The following PPL variants were observed in gnomAD, a reference collection of about 807,000 sequenced individuals.
The protein encoded by PPL is 190 kDa paraneoplastic pemphigus antigen.
Under a neutral mutation model 194.4 loss-of-function variants are expected in PPL, and 198 were observed. The observed-to-expected ratio is 1.02, with a 90% CI of 0.91 to 1.15. The LOEUF (loss-of-function observed/expected upper bound fraction) is 1.15. Ranked by LOEUF, PPL falls within the 50% of genes most tolerant of loss-of-function variation. PPL has a pLI of 0.00. For synonymous variants in PPL, 1,220 were observed against 972.4 expected (o/e 1.25, Z -4.74); for missense variants, 2,885 against 2,294.8 (o/e 1.26, Z -5.25).
Position 4,937,127 on chromosome 16 carries a change from G to T in PPL, c.-82C>A, listed in dbSNP as rs2089311030. Reference sequence around the variant, plus strand: ...CGGGCGGGAGCGCAGGTGAGCGAGCGGCGGCGCGGGGAGCCCGGACTGCGG... The same window carrying T: ...CGGGCGGGAGCGCAGGTGAGCGAGCTGCGGCGCGGGGAGCCCGGACTGCGG... On this transcript the variant is annotated 5_prime_UTR_variant, in exon 1 of 22. Coordinates refer to ENST00000345988, the MANE Select transcript of PPL (RefSeq NM_002705.5). The T allele has an allele frequency of 2.1e-6, 2 of 968,410 alleles. No homozygotes were observed. The highest frequency in any genetic ancestry group is 2.5e-6 in the Non-Finnish European group (2 of 795,172). The allele number at this position is 968,410 out of a possible 1,614,324, so 60.0% of individuals were successfully genotyped here.
chr16:4,889,184 A>G, intron 18 of PPL, 123 bp from the exon 19 acceptor site: 1 of 695,768 alleles, frequency 1.4e-6, no homozygotes, highest in Admixed American at 2.1e-5. Context: ...AGTATGATGA[A>G]TGGCTCCCTT....
rs147095996 is a variant in PPL, at chr16:4,902,969, G to A, written c.318-443C>T. ...CTCCCGAAGTGCTGGGATCACAGGC[G>A]TGAGCCACCGTGCCTGGCCCCACCC... is the stretch of plus-strand genomic sequence containing the variant. On this transcript the variant is annotated intron_variant, in intron 3 of 21. Transcript: ENST00000345988. This position sits in a 1 kb window ranked among gnomAD's most constrained non-coding sequence, Gnocchi z 4.0. Among the ~76,000 whole-genome samples the A allele has an allele frequency of 7.3e-3, 1,114 of 152,170 alleles. 9 individuals carry two copies. The highest frequency in any genetic ancestry group is 0.012 in the Non-Finnish European group (784 of 67,978).
rs545031126 is a variant in PPL, at chr16:4,893,198, C to T, written c.1650+15G>A. 15 of 1,535,574 alleles carry T rather than the reference C, an allele frequency of 9.8e-6. No individual in the cohort carries two copies. Among genetic ancestry groups the T allele is most frequent in the African/African-American group, 8.1e-5 (6 of 73,632 alleles). ...GGCTCCCCCGGCCCCACCTGTGCTC[C>T]TGACCCGCAGGTACCTTGAGGTCCT... On this transcript the variant is annotated intron_variant, in intron 14 of 21. Coordinates refer to ENST00000345988, the MANE Select transcript of PPL (RefSeq NM_002705.5).
intron 1 of PPL, among the ~76,000 whole-genome samples, chr16:4,923,647 G>A (rs772423433): frequency 2.6e-5 from 4 of 151,746 alleles, no homozygotes; most frequent in African/African-American, 7.3e-5. Flanking sequence ...GGCAGGGAAC[G>A]TAGCCTGTGT....
chr16:4,884,144 C>G lies in PPL; in HGVS notation c.4511G>C (p.Ser1504Thr). 6.2e-7 allele frequency: 1 copy of G among 1,613,778 alleles called. No homozygotes were observed. Among genetic ancestry groups the G allele is most frequent in the Non-Finnish European group, 8.5e-7 (1 of 1,180,016 alleles). Residue 1504 changes from serine (S) to threonine (T), a missense_variant, in exon 22 of 22, where the codon AGT (serine) becomes ACT (threonine). Ser to Thr is a moderately conservative substitution (Grantham distance 58). Coordinates refer to ENST00000345988, the MANE Select transcript of PPL (RefSeq NM_002705.5). This position sits in a 1 kb window ranked among gnomAD's most constrained non-coding sequence, Gnocchi z 5.7. ...GGTGTCGCCCTTCTCCACCTGGACA[C>G]TCTCGGAGAGCACCACCTTCTCCTT... ...EVKEKVVLSE[S>T]VQVEKGDTEQ...
Position 4,883,385 on chromosome 16 carries a change from T to C in PPL, c.5270A>G (p.Ter1757TrpextTer57). 1 of 1,613,944 alleles carries C rather than the reference T, an allele frequency of 6.2e-7. No homozygotes were observed. Among genetic ancestry groups the C allele is most frequent in the Non-Finnish European group, 8.5e-7 (1 of 1,180,000 alleles). ...ELAVLVSGQK[*>W] The stretch of plus-strand genomic sequence containing the variant: ...TACGAAGAGTTGCAAGAGCTGTGCC[T>C]ACTTCTGCCCAGATACCAAGACCGC... The change falls in exon 22 of 22, where the codon TAG becomes TGG. Residue 1757 changes from the stop codon to tryptophan, a stop_lost. Coordinates refer to ENST00000345988, the MANE Select transcript of PPL (RefSeq NM_002705.5). The surrounding 1 kb of genome is among the most constrained non-coding windows in gnomAD (Gnocchi z 4.8).
At chr16:4,893,402 G>C in intron 13 of PPL, 32 bp from the exon 14 acceptor site, 1 of 1,600,512 alleles carries the variant, frequency 6.2e-7, no homozygotes. Context: ...AGGCAGGTGT[G>C]ACAACGGGCC....
rs1440826023 is a variant in PPL at position 4,890,195 on chromosome 16, T to A, written c.2302A>T (p.Lys768Ter). The change falls in exon 18 of 22, where the codon AAG becomes TAG. Residue 768 changes from lysine to a stop codon, truncating the protein, a stop_gained. Coordinates refer to ENST00000345988, the MANE Select transcript of PPL (RefSeq NM_002705.5). LOFTEE classifies it high-confidence loss of function. ...DSLSQMETKL[K>*]NQKNLLDEIA... ...AACGGCCATCTCACCTTCTGGTTCT[T>A]CAGCTTGGTCTCCATCTGGCTGAGG... 1.2e-6 allele frequency: 2 copies of A among 1,614,184 alleles called. No homozygotes were observed. The highest frequency in any genetic ancestry group is 3.3e-5 in the Admixed American group (2 of 60,028).
chr16:4,893,184 C>T (rs1596549358), intron 14 of PPL, 29 bp downstream of exon 14: 1 of 1,511,800 alleles, frequency 6.6e-7, no homozygotes, highest in East Asian at 2.4e-5. Flanking sequence ...GCTCCCCCGG[C>T]CCCACCTGTG....
At chr16:4,893,717 G>C (rs1411180688) in intron 12 of PPL, 79 bp from the exon 13 acceptor site, 5 of 1,244,850 alleles carry the variant, frequency 4.0e-6, no homozygotes, top group Admixed American at 4.2e-5. Flanking sequence ...GCGGACTCTG[G>C]CTGGGCAGAC....
In PPL at chr16:4,895,600, C is replaced by T. The variant is rs372300152; in HGVS notation, c.1089G>A (p.Glu363=). 5.0e-6 allele frequency: 8 copies of T among 1,613,844 alleles called. No individual in the cohort carries two copies. In the African/African-American group the frequency reaches 8.0e-5, roughly 16 times the overall value. Residue 363 remains glutamate, a synonymous_variant, in exon 10 of 22, where the codon GAG becomes GAA. Transcript: ENST00000345988. The part of the protein sequence containing the change: ...DRYQIELLLR[E]LDDQEKVLDK... ...GTCCTGGGCCATCGCTCACATCCAG[C>T]TCCCGCAGCAGCAGCTCAATCTGGT...
chr16:4,897,811 C>T (rs781693101), intron 8 of PPL, 41 bp from the exon 9 acceptor site: 18 of 1,523,882 alleles, frequency 1.2e-5, no homozygotes, highest in East Asian at 2.3e-5. Flanking sequence ...TGGGCAGGTA[C>T]TGCAGACACC....
At chr16:4,893,061 A>T in intron 14 of PPL, 152 bp downstream of exon 14, 1 of 1,017,966 alleles carries the variant, frequency 9.8e-7, no homozygotes, top group Non-Finnish European at 1.4e-6. Context: ...CACCTCCATG[A>T]CTTGGGACCC....
intron 2 of PPL, among the ~76,000 whole-genome samples, chr16:4,905,673 T>C (rs1481888573): frequency 6.6e-6 from 1 of 152,208 alleles, no homozygotes; most frequent in African/African-American, 2.4e-5. Context: ...ACGTGGTGCC[T>C]GGTACGAAGT....
chr16:4,891,803 A>G lies in PPL; in HGVS notation c.1968+8T>C. On this transcript the variant is annotated splice_region_variant and intron_variant, in intron 16 of 21. Coordinates refer to ENST00000345988, the MANE Select transcript of PPL (RefSeq NM_002705.5). ...GAAGGACTCCCAGGACTTGGGCCCT[A>G]GACTCACCGCCAGCTCCTGCCCCTT... 1.2e-6 allele frequency: 2 copies of G among 1,605,674 alleles called. No individual in the cohort carries two copies. The highest frequency in any genetic ancestry group is 1.7e-6 in the Non-Finnish European group (2 of 1,176,360).
chr16:4,888,521 C>A (rs1408930265), intron 19 of PPL, among the ~76,000 whole-genome samples: 1 of 152,222 alleles, frequency 6.6e-6, no homozygotes, highest in African/African-American at 2.4e-5. Flanking sequence ...CTGCTTTTAA[C>A]ATCGTACCAT....
intron 21 of PPL, among the ~76,000 whole-genome samples, chr16:4,886,508 G>A (rs539931455): frequency 1.1e-4 from 16 of 152,254 alleles, no homozygotes; most frequent in Non-Finnish European, 2.4e-4. Flanking sequence ...TGGACAGACC[G>A]CAGTTTAGCC....
rs1046720265 is a variant in PPL, at chr16:4,890,468, G to A, written c.2163-134C>T. On this transcript the variant is annotated intron_variant, in intron 17 of 21. Coordinates refer to ENST00000345988, the MANE Select transcript of PPL (RefSeq NM_002705.5). ...CCCAAGTATCTCCCACACAGGGTGG[G>A]TGGTCATTAGGGAACGTCAGGTTGG... 8.2e-6 allele frequency: 10 copies of A among 1,226,146 alleles called. No homozygotes were observed. In the African/African-American group the frequency reaches 1.2e-4, roughly 15 times the overall value. 76.0% of individuals were successfully genotyped at this position (1,226,146 alleles called of 1,614,324 possible).
intron 6 of PPL, 91 bp from the exon 7 acceptor site, chr16:4,899,475 C>CTGGCCTGAGGCCAAGCCCAGCTATGGG: frequency 1.4e-6 from 1 of 709,086 alleles, no homozygotes; most frequent in South Asian, 1.9e-5. Context: ...CCAGCTATGG[C>CTGGCCTGAGGCCAAGCCCAGCTATGGG]TGGCCTGAGG....
Sources: gnomAD v4.1 joint callset for allele counts (sites outside exome capture counted in the v4.1 genomes callset) on GRCh38, gnomAD v4.1.1 for gene constraint, Gnocchi (gnomAD v3.1) non-coding constraint, MANE v1.5 for transcripts, NCBI Gene and HGNC (gene_info 2026-07-23, HGNC 2026-07-21) for gene names.